Variants in HTR3A observed in about 807,000 individuals in gnomAD.
HTR3A encodes the protein 5-hydroxytryptamine (serotonin) receptor 3A, ionotropic.
Under a neutral mutation model 54.8 loss-of-function variants are expected in HTR3A, and 45 were observed. That is an observed-to-expected ratio of 0.82 (90% CI 0.65 to 1.05). HTR3A has a LOEUF of 1.05. Among genes scored for constraint, HTR3A ranks in the 50% least tolerant of loss-of-function variants. The probability of loss-of-function intolerance (pLI) is 0.00; values close to 1 mark genes in which losing one functional copy is unlikely to be tolerated. For missense variants in HTR3A, 657 were observed against 614.0 expected, an observed-to-expected ratio of 1.07 and a Z score of -0.74; for synonymous variants, 297 against 256.0, an observed-to-expected ratio of 1.16 and a Z score of -1.53.
intron 4 of HTR3A, 29 bp downstream of exon 4, chr11:113,981,341 C>CT (rs1950420056): frequency 6.9e-7 from 1 of 1,445,596 alleles, no homozygotes; most frequent in Admixed American, 1.7e-5. Context: ...TGTGAGGTGG[C>CT]TGGGTGGCTT....
intron 4 of HTR3A, among the ~76,000 whole-genome samples, chr11:113,982,624 T>C (rs1950435231): frequency 6.6e-6 from 1 of 152,248 alleles, no homozygotes; most frequent in Admixed American, 6.5e-5. Flanking sequence ...TCCATTTCTC[T>C]AGCTCCTTTT....
chr11:113,979,097 AC>A, intron 2 of HTR3A, 135 bp from the exon 3 acceptor site: 2 of 738,930 alleles, frequency 2.7e-6, no homozygotes, highest in Admixed American at 2.0e-5. Flanking sequence ...TACTTTCCCG[AC>A]CCCGGCCCCT....
chr11:113,979,369 G>T, intron 3 of HTR3A, 92 bp downstream of exon 3: 1 of 1,015,454 alleles, frequency 9.8e-7, no homozygotes, highest in Non-Finnish European at 1.5e-6. Flanking sequence ...GCGAGGGAAG[G>T]TGAGCGGAGA....
In HTR3A at chr11:113,989,324, C is replaced by A; in HGVS notation, c.1139-141C>A. 1 of 896,096 alleles carries A rather than the reference C, an allele frequency of 1.1e-6. No homozygotes were observed. The highest frequency in any genetic ancestry group is 1.8e-6 in the Non-Finnish European group (1 of 554,220). The allele number at this position is 896,096 out of a possible 1,614,324, so 55.5% of individuals were successfully genotyped here. A position where few individuals can be genotyped will look rare whatever the true frequency, so the allele number is the denominator to read the frequency against. On this transcript the variant is annotated intron_variant, in intron 8 of 8. Coordinates refer to ENST00000504030, the MANE Select transcript of HTR3A (RefSeq NM_000869.6). This position sits in a 1 kb window ranked among gnomAD's most constrained non-coding sequence, Gnocchi z 4.4. ...GTTGCAGTGAGCTTAGATCACACCA[C>A]TGCCCTCCAGCCTGGGTGACAGAGT... is the stretch of plus-strand genomic sequence containing the variant.
Position 113,976,571 on chromosome 11 carries a change from TTGTGTGTGTGTG to T in HTR3A, c.68-1168_68-1157del, listed in dbSNP as rs34498899. On this transcript the variant is annotated intron_variant, in intron 1 of 8. Coordinates refer to ENST00000504030, the MANE Select transcript of HTR3A (RefSeq NM_000869.6). The stretch of plus-strand genomic sequence containing the variant: ...CCAAAGGAGACACTTAAAAAATAGT[TTGTGTGTGTGTG>T]TGTGTGTGTGTGTGTGTGTGTGTGT... Among the ~76,000 whole-genome samples the T allele has an allele frequency of 4.4e-3, 596 of 135,298 alleles. 2 individuals are homozygous for T. The highest frequency in any genetic ancestry group is 8.1e-3 in the African/African-American group (280 of 34,682). The allele number at this position is 135,298 out of a possible 152,430, so 88.8% of individuals were successfully genotyped here.
chr11:113,986,651 T>C lies in HTR3A; in HGVS notation c.839T>C (p.Leu280Pro), dbSNP rs772241866. 6.2e-7 allele frequency: 1 copy of C among 1,614,066 alleles called. No individual in the cohort carries two copies. The highest frequency in any genetic ancestry group is 1.1e-5 in the South Asian group (1 of 91,076). ...SGERVSFKIT[L>P]LLGYSVFLII... The stretch of plus-strand genomic sequence containing the variant: ...GAGAGGGTCTCTTTCAAGATTACAC[T>C]CCTCCTGGGCTACTCGGTCTTCCTG... Residue 280 changes from leucine (L) to proline (P), a missense_variant, in exon 7 of 9, where the codon CTC (leucine) becomes CCC (proline). Transcript: ENST00000504030.
At chr11:113,976,598 TG>T (rs1950354370) in intron 1 of HTR3A, among the ~76,000 whole-genome samples, 1 of 148,520 alleles carries the variant, frequency 6.7e-6, no homozygotes, top group Non-Finnish European at 1.5e-5. Flanking sequence ...TGTGTGTGTG[TG>T]TGTGTGTGTG....
Position 113,987,027 on chromosome 11 carries a change from C to T in HTR3A, c.1119C>T (p.Thr373=), listed in dbSNP as rs1387783646. ...GGCCCCCAGCCACCTCCCAAGCCACCAAGACTGATGACTGCTCAGGTGAGA... is the reference window on the plus strand; with the variant it reads ...GGCCCCCAGCCACCTCCCAAGCCACTAAGACTGATGACTGCTCAGGTGAGA... ...SQRPPATSQA[T]KTDDCSAMGN... Residue 373 remains threonine, a synonymous_variant, in exon 8 of 9, where the codon ACC becomes ACT. Transcript: ENST00000504030. 5 of 1,613,678 alleles carry T rather than the reference C, an allele frequency of 3.1e-6. No homozygotes were observed. Among genetic ancestry groups the T allele is most frequent in the African/African-American group, 1.3e-5 (1 of 74,924 alleles).
intron 4 of HTR3A, among the ~76,000 whole-genome samples, chr11:113,982,891 A>G (rs1418019983): frequency 6.6e-6 from 1 of 152,154 alleles, no homozygotes; most frequent in African/African-American, 2.4e-5. Context: ...AGCCAGGGGA[A>G]TAAAGGAGAA....
rs1306080772 is a variant in HTR3A, at chr11:113,983,135, G to C, written c.390G>C (p.Lys130Asn). The C allele has an allele frequency of 6.2e-6, 10 of 1,614,110 alleles. No homozygotes were observed. The highest frequency in any genetic ancestry group is 8.5e-6 in the Non-Finnish European group (10 of 1,180,046). Residue 130 changes from lysine (K) to asparagine (N), a missense_variant, in exon 5 of 9, where the codon AAG (lysine) becomes AAC (asparagine). Lys to Asn is a moderately conservative substitution (Grantham distance 94). Coordinates refer to ENST00000504030, the MANE Select transcript of HTR3A (RefSeq NM_000869.6). Reference sequence around the variant, plus strand: ...CCCCCGCCAGCGTGGATGTGGGGAAGTCTCCAAATATCCCGTACGTGTATA... The same window carrying C: ...CCCCCGCCAGCGTGGATGTGGGGAACTCTCCAAATATCCCGTACGTGTATA... Reference protein sequence around the residue: ...ILINEFVDVGKSPNIPYVYIR... With the variant: ...ILINEFVDVGNSPNIPYVYIR...
rs1565584866 is a variant in HTR3A at position 113,990,261 on chromosome 11, A to AT, written c.*499dup. 1 of 451,424 alleles carries AT rather than the reference A, an allele frequency of 2.2e-6. No homozygotes were observed. Among genetic ancestry groups the AT allele is most frequent in the East Asian group, 7.0e-5 (1 of 14,358 alleles). The allele number at this position is 451,424 out of a possible 1,614,324, so 28.0% of individuals were successfully genotyped here. A position where few individuals can be genotyped will look rare whatever the true frequency, so the allele number is the denominator to read the frequency against. On this transcript the variant is annotated 3_prime_UTR_variant, in exon 9 of 9. Transcript: ENST00000504030. ...CTTGTGGCAGCTTCCCTGAACACTC[A>AT]TCCCCCATCAGATGATGGGAGTGGG...
rs1326075717 is a variant in HTR3A, at chr11:113,985,253, T to C, written c.545-762T>C. The stretch of plus-strand genomic sequence containing the variant: ...ATATATCAGTATATATATTATTATA[T>C]ACTACTACTTGATTCTTTTTACCCA... On this transcript the variant is annotated intron_variant, in intron 5 of 8. Transcript: ENST00000504030. Among the ~76,000 whole-genome samples the C allele has an allele frequency of 2.0e-5, 3 of 152,340 alleles. No homozygotes were observed. The East Asian group carries it at 5.8e-4, about 29-fold the overall frequency.
At chr11:113,986,197 T>C (rs1298243145) in intron 6 of HTR3A, 22 bp downstream of exon 6, 2 of 1,613,784 alleles carry the variant, frequency 1.2e-6, no homozygotes, top group Non-Finnish European at 1.7e-6. Context: ...TGAATGTGGG[T>C]AAAATGGTGA....
At position 113,981,227 on chromosome 11, in the gene HTR3A, TG is replaced by T; in HGVS notation, c.291del (p.Trp97Ter). ...RQYWTDEFLQ[W>X]NPEDFDNITK... Reference sequence around the variant, plus strand: ...GTACTGGACTGATGAGTTTCTCCAGTGGAACCCTGAGGACTTTGACAACATC... The same window carrying T: ...GTACTGGACTGATGAGTTTCTCCAGTGAACCCTGAGGACTTTGACAACATC... On this transcript the variant is annotated frameshift_variant, in exon 4 of 9. Transcript: ENST00000504030. LOFTEE classifies it high-confidence loss of function. The T allele has an allele frequency of 6.2e-7, 1 of 1,613,480 alleles. No individual in the cohort carries two copies. The highest frequency in any genetic ancestry group is 1.1e-5 in the South Asian group (1 of 91,070).
rs778469571 is a variant in HTR3A, at chr11:113,989,581, C to G, written c.1255C>G (p.Leu419Val). 1 of 1,614,182 alleles carries G rather than the reference C, an allele frequency of 6.2e-7. No individual in the cohort carries two copies. The highest frequency in any genetic ancestry group is 8.5e-7 in the Non-Finnish European group (1 of 1,180,028). Residue 419 changes from leucine (L) to valine (V), a missense_variant, in exon 9 of 9, where the codon CTG (leucine) becomes GTG (valine). By Grantham distance (32) the Leu-to-Val change is conservative (BLOSUM62 1). Transcript: ENST00000504030. This position sits in a 1 kb window ranked among gnomAD's most constrained non-coding sequence, Gnocchi z 4.4. Reference sequence around the variant, plus strand: ...GGCCTCGCTGGCGGTGTGTGGGCTGCTGCAGGAGCTGTCCTCCATCCGGCA... The same window carrying G: ...GGCCTCGCTGGCGGTGTGTGGGCTGGTGCAGGAGCTGTCCTCCATCCGGCA... ...REASLAVCGL[L>V]QELSSIRQFL...
rs760048192 is a variant in HTR3A at position 113,986,750 on chromosome 11, G to A, written c.916+22G>A. ...ATTGGTAAGGCCCCTCCTGGCAGCAGAGCTCAGTCTGGTGAGAAACCCGCC... is the reference window on the plus strand; with the variant it reads ...ATTGGTAAGGCCCCTCCTGGCAGCAAAGCTCAGTCTGGTGAGAAACCCGCC... On this transcript the variant is annotated intron_variant, in intron 7 of 8. Transcript: ENST00000504030. 41 of 1,614,094 alleles carry A rather than the reference G, an allele frequency of 2.5e-5. 2 individuals are homozygous for A. The highest frequency in any genetic ancestry group is 8.3e-5 in the Admixed American group (5 of 60,014).
intron 4 of HTR3A, 121 bp downstream of exon 4, chr11:113,981,433 A>G: frequency 1.4e-6 from 1 of 724,616 alleles, no homozygotes; most frequent in Non-Finnish European, 2.5e-6. Flanking sequence ...TGCAGACTGT[A>G]GATAAAGCTG....
rs144045043 is a variant in HTR3A, at chr11:113,983,219, C to T, written c.474C>T (p.Ser158=). 2 of 1,614,210 alleles carry T rather than the reference C, an allele frequency of 1.2e-6. No individual in the cohort carries two copies. Among genetic ancestry groups the T allele is most frequent in the South Asian group, 1.1e-5 (1 of 91,084 alleles). ...CCCTTCAGGTGGTGACTGCCTGTAG[C>T]CTCGACATCTACAACTTCCCCTTCG... ...YKPLQVVTAC[S]LDIYNFPFDV... Residue 158 remains serine, a synonymous_variant, in exon 5 of 9, where the codon AGC becomes AGT. Coordinates refer to ENST00000504030, the MANE Select transcript of HTR3A (RefSeq NM_000869.6).
chr11:113,984,991 G>A (rs769014423), intron 5 of HTR3A, among the ~76,000 whole-genome samples: 1 of 151,954 alleles, frequency 6.6e-6, no homozygotes, highest in Non-Finnish European at 1.5e-5. Context: ...CTTAAGTTAT[G>A]ACGGTGATGC....
Sources: gnomAD v4.1 joint callset for allele counts (sites outside exome capture counted in the v4.1 genomes callset) on GRCh38, gnomAD v4.1.1 for gene constraint, Gnocchi (gnomAD v3.1) non-coding constraint, MANE v1.5 for transcripts, NCBI Gene and HGNC (gene_info 2026-07-23, HGNC 2026-07-21) for gene names.